NRXN3: variants seen among roughly 807,000 people sequenced by gnomAD.
NRXN3 encodes neurexin 3.
NRXN3 carries 32 observed loss-of-function variants against 137.6 expected under a neutral mutation model. The ratio of observed to expected loss-of-function variants is 0.23; its 90% CI spans 0.18 to 0.31. The LOEUF is 0.31. Among genes scored for constraint, NRXN3 ranks in the 10% least tolerant of loss-of-function variants. NRXN3 has a pLI of 1.00. For synonymous variants in NRXN3, 798 were observed against 784.5 expected, an observed-to-expected ratio of 1.02 and a Z score of -0.29; for missense variants, 1,574 against 2,062.5, an observed-to-expected ratio of 0.76 and a Z score of 4.59.
chr14:79,264,888 T>C (rs567201864), intron 15 of NRXN3, among the ~76,000 whole-genome samples: 64 of 152,244 alleles, frequency 4.2e-4, no homozygotes, highest in African/African-American at 1.5e-3. Context: ...AGAATTTATC[T>C]GCTACTATGC....
intron 1 of NRXN3, among the ~76,000 whole-genome samples, chr14:78,202,218 G>A (rs1212822538): frequency 6.6e-6 from 1 of 152,216 alleles, no homozygotes; most frequent in Non-Finnish European, 1.5e-5. Context: ...AGACAAGCAT[G>A]CCTCCATTAC....
intron 10 of NRXN3, among the ~76,000 whole-genome samples, chr14:78,919,173 G>T (rs1366379022): frequency 2.0e-5 from 3 of 151,964 alleles, no homozygotes; most frequent in African/African-American, 4.8e-5. Flanking sequence ...TGACCTATTT[G>T]GGATTGAAAT....
chr14:79,678,481 C>T (rs962966504), intron 17 of NRXN3, among the ~76,000 whole-genome samples: 6 of 152,138 alleles, frequency 3.9e-5, no homozygotes, highest in Admixed American at 3.9e-4. Context: ...CTTTGCTGCT[C>T]ACTGTGTTTA....
chr14:78,733,191 G>A (rs1304052890), intron 8 of NRXN3, among the ~76,000 whole-genome samples: 2 of 152,066 alleles, frequency 1.3e-5, no homozygotes, highest in Admixed American at 1.3e-4. Context: ...CTCATGGAAA[G>A]CTTGGACCAT....
chr14:79,425,997 G>A (rs919722644), intron 15 of NRXN3, among the ~76,000 whole-genome samples: 1 of 151,914 alleles, frequency 6.6e-6, no homozygotes, highest in African/African-American at 2.4e-5. Context: ...TGGAGAGAAG[G>A]GGAGAGAGAG....
intron 15 of NRXN3, among the ~76,000 whole-genome samples, chr14:79,360,387 G>A (rs1390379649): frequency 1.3e-5 from 2 of 152,214 alleles, no homozygotes; most frequent in Non-Finnish European, 2.9e-5. Context: ...TTACAGGCGT[G>A]AGCCACTGTG....
intron 20 of NRXN3, among the ~76,000 whole-genome samples, chr14:79,853,279 T>C (rs940204244): frequency 5.9e-5 from 9 of 152,210 alleles, no homozygotes; most frequent in African/African-American, 2.2e-4. Flanking sequence ...TCTAGTCTTC[T>C]TGTTTTTGCT....
intron 4 of NRXN3, among the ~76,000 whole-genome samples, chr14:78,314,615 C>G (rs537802118): frequency 6.6e-6 from 1 of 152,270 alleles, no homozygotes; most frequent in East Asian, 1.9e-4. Context: ...CATCCAATTG[C>G]AAAGGAGATT....
At chr14:78,678,543 A>G (rs989563660) in intron 6 of NRXN3, among the ~76,000 whole-genome samples, 4 of 152,146 alleles carry the variant, frequency 2.6e-5, no homozygotes, top group African/African-American at 9.7e-5. Flanking sequence ...CTGGATGTTT[A>G]TAACTTTACT....
At chr14:79,497,909 C>T (rs966537915) in intron 16 of NRXN3, among the ~76,000 whole-genome samples, 1 of 152,062 alleles carries the variant, frequency 6.6e-6, no homozygotes, top group East Asian at 1.9e-4. Flanking sequence ...TGGTGCGCCC[C>T]TGTAGTCCCA....
chr14:78,213,138 A>G (rs146853553), intron 1 of NRXN3, among the ~76,000 whole-genome samples: 1 of 152,314 alleles, frequency 6.6e-6, no homozygotes, highest in Non-Finnish European at 1.5e-5. Flanking sequence ...ATAGTTTAGG[A>G]TGGCTAGAAG....
chr14:79,306,220 G>T (rs1489538526), intron 15 of NRXN3, among the ~76,000 whole-genome samples: 5 of 151,892 alleles, frequency 3.3e-5, no homozygotes, highest in Admixed American at 3.3e-4. Flanking sequence ...CATAGGTGGG[G>T]GATAAAAAAC....
chr14:78,944,779 T>C (rs2099361970), intron 10 of NRXN3, among the ~76,000 whole-genome samples: 1 of 152,214 alleles, frequency 6.6e-6, no homozygotes, highest in East Asian at 1.9e-4. Context: ...CGTTGAAAGC[T>C]ACTAAGTTTG....
intron 10 of NRXN3, among the ~76,000 whole-genome samples, chr14:78,862,616 A>G (rs1269464100): frequency 1.3e-5 from 2 of 152,088 alleles, no homozygotes; most frequent in African/African-American, 4.8e-5. Flanking sequence ...CAGAATGGTT[A>G]CCCGTTTAGT....
At chr14:79,206,933 GA>G (rs950558820) in intron 15 of NRXN3, among the ~76,000 whole-genome samples, 1 of 151,508 alleles carries the variant, frequency 6.6e-6, no homozygotes, top group African/African-American at 2.4e-5. Context: ...TAGTAGAAAA[GA>G]AAAAAAACAA....
intron 16 of NRXN3, among the ~76,000 whole-genome samples, chr14:79,623,368 C>T (rs2153904503): frequency 6.6e-6 from 1 of 152,280 alleles, no homozygotes; most frequent in South Asian, 2.1e-4. Context: ...TCTGGTTTAG[C>T]TTCCATTCTT....
chr14:79,067,303 C>A (rs184116113), intron 15 of NRXN3, among the ~76,000 whole-genome samples: 26 of 152,220 alleles, frequency 1.7e-4, no homozygotes, highest in Non-Finnish European at 3.2e-4. Flanking sequence ...ACTTGCATCC[C>A]AGTGATGAAG....
intron 8 of NRXN3, among the ~76,000 whole-genome samples, chr14:78,763,466 C>A (rs527893915): frequency 1.3e-5 from 2 of 151,372 alleles, no homozygotes; most frequent in Non-Finnish European, 2.9e-5. Context: ...AATAAAAATA[C>A]TATATATAAT....
chr14:78,291,121 A>G (rs1162724481), intron 3 of NRXN3, among the ~76,000 whole-genome samples: 1 of 152,130 alleles, frequency 6.6e-6, no homozygotes, highest in African/African-American at 2.4e-5. Flanking sequence ...TCTCTGAGAT[A>G]TGTCTCCTTT....
Sources: allele counts gnomAD v4.1 joint callset (sites outside exome capture counted in the v4.1 genomes callset), GRCh38; gene constraint gnomAD v4.1.1; transcripts MANE v1.5; gene names NCBI Gene and HGNC (gene_info 2026-07-23, HGNC 2026-07-21).